Variants in TEP1 observed in about 807,000 individuals in gnomAD.
The protein encoded by TEP1 is telomerase associated protein 1.
In TEP1, 241 loss-of-function variants were observed where a neutral mutation model predicts 306.3. The ratio of observed to expected loss-of-function variants is 0.79; its 90% CI spans 0.71 to 0.88. TEP1 has a LOEUF of 0.88. Among genes scored for constraint, TEP1 ranks in the 40% least tolerant of loss-of-function variants. TEP1 has a pLI of 0.00. For synonymous variants in TEP1, 1,289 were observed against 1,305.5 expected (o/e 0.99, Z 0.27); for missense variants, 3,051 against 3,276.1 (o/e 0.93, Z 1.68).
intron 28 of TEP1, 88 bp from the exon 29 acceptor site, chr14:20,382,444 A>G: frequency 6.5e-7 from 1 of 1,547,772 alleles, no homozygotes; most frequent in Non-Finnish European, 8.7e-7. Flanking sequence ...GCAGGAGGAC[A>G]GTGTGGAGGA....
In TEP1 at chr14:20,394,672, G is replaced by A. The variant is rs200250715; in HGVS notation, c.1928+778C>T. The stretch of plus-strand genomic sequence containing the variant: ...TTTTTGTATTTTTAGTAGACAGGGG[G>A]TTTCACCATGTTGGCCAGGCTAGTC... On this transcript the variant is annotated intron_variant, in intron 12 of 54. Transcript: ENST00000262715. Among the ~76,000 whole-genome samples the A allele has an allele frequency of 9.9e-5, 15 of 152,070 alleles. No homozygotes were observed. The East Asian group carries it at 2.5e-3, about 25-fold the overall frequency.
intron 53 of TEP1, 53 bp from the exon 54 acceptor site, chr14:20,368,955 A>T: frequency 7.6e-7 from 1 of 1,319,526 alleles, no homozygotes; most frequent in Non-Finnish European, 1.1e-6. Flanking sequence ...GCCCCTCCTC[A>T]GAGAAGCATC....
chr14:20,386,859 T>C (rs984371820), intron 18 of TEP1, among the ~76,000 whole-genome samples: 38 of 152,226 alleles, frequency 2.5e-4, no homozygotes, highest in African/African-American at 8.2e-4. Context: ...ATCATTTTTA[T>C]ATACTTACTG....
Position 20,395,884 on chromosome 14 carries a change from G to T in TEP1, c.1725C>A (p.Ala575=). The change falls in exon 11 of 55, where the codon GCC becomes GCA. Residue 575 remains alanine (A), a synonymous_variant. Coordinates refer to ENST00000262715, the MANE Select transcript of TEP1 (RefSeq NM_007110.5). ...RFLNAHDAID[A]LEAQLRNQAL... ...CTTGATTTCTGAGTTGAGCCTCGAG[G>T]GCATCAATGGCATCATGGGCGTTAA... The T allele has an allele frequency of 1.2e-6, 2 of 1,614,006 alleles. No homozygotes were observed. The highest frequency in any genetic ancestry group is 1.7e-6 in the Non-Finnish European group (2 of 1,179,954).
chr14:20,369,067 G>A (rs1478447018), intron 53 of TEP1, among the ~76,000 whole-genome samples, 165 bp from the exon 54 acceptor site: 2 of 151,946 alleles, frequency 1.3e-5, no homozygotes, highest in Non-Finnish European at 2.9e-5. Flanking sequence ...GAGTGCAGTG[G>A]CGCAATCTCG....
In TEP1 at chr14:20,378,181, C is replaced by T. The variant is rs771364011; in HGVS notation, c.5564G>A (p.Gly1855Glu). ...GTCCAGCCGGCCCACAGCCACAACC[C>T]CCCCAGGCACATTGAAGGCCAAGGT... ...IRTLAFNVPGGVVAVGRLDSM... is the reference protein window; with the variant it reads ...IRTLAFNVPGEVVAVGRLDSM... Residue 1855 changes from glycine to glutamate, a missense_variant, in exon 39 of 55, where the codon GGG (glycine) becomes GAG (glutamate). By Grantham distance (98) the Gly-to-Glu change is moderately conservative (BLOSUM62 -2). Coordinates refer to ENST00000262715, the MANE Select transcript of TEP1 (RefSeq NM_007110.5). 1.9e-6 allele frequency: 3 copies of T among 1,613,910 alleles called. No homozygotes were observed. Among genetic ancestry groups the T allele is most frequent in the Admixed American group, 3.3e-5 (2 of 60,022 alleles).
rs1876671247 is a variant in TEP1 at position 20,382,553 on chromosome 14, G to A, written c.4140+70C>T. 51 of 1,586,828 alleles carry A rather than the reference G, an allele frequency of 3.2e-5. 1 individual carries two copies. In the South Asian group the frequency reaches 5.5e-4, roughly 17 times the overall value. ...CAAGACAGCAAAGGACGTGGGATAGGGATGAGACAAAGCAGCTGAAGAGAG... is the reference window on the plus strand; with the variant it reads ...CAAGACAGCAAAGGACGTGGGATAGAGATGAGACAAAGCAGCTGAAGAGAG... On this transcript the variant is annotated intron_variant, in intron 28 of 54. Coordinates refer to ENST00000262715, the MANE Select transcript of TEP1 (RefSeq NM_007110.5).
rs1269947695 is a variant in TEP1, at chr14:20,384,184, C to T, written c.3388G>A (p.Val1130Ile). The T allele has an allele frequency of 6.2e-7, 1 of 1,614,036 alleles. No individual in the cohort carries two copies. Among genetic ancestry groups the T allele is most frequent in the Non-Finnish European group, 8.5e-7 (1 of 1,180,040 alleles). The change falls in exon 24 of 55, where the codon GTC becomes ATC. Residue 1130 changes from valine (V) to isoleucine (I), a missense_variant. By Grantham distance (29) the Val-to-Ile change is conservative (BLOSUM62 3). Coordinates refer to ENST00000262715, the MANE Select transcript of TEP1 (RefSeq NM_007110.5). ...QPVSIPDDDL[V>I]QATFQQLQKP... is the part of the protein sequence containing the mutation. ...TGCAGCTGCTGGAAGGTGGCCTGGA[C>T]CAAGTCATCGTCTGGGATGGACACT...
At chr14:20,391,471 C>T in intron 13 of TEP1, 128 bp downstream of exon 13, 1 of 1,153,438 alleles carries the variant, frequency 8.7e-7, no homozygotes, top group Non-Finnish European at 1.2e-6. Context: ...TACTTGGAAG[C>T]AAATTCATAT....
chr14:20,392,343 TAGGCTATTACTACCTAGA>T (rs1322488771), intron 12 of TEP1, among the ~76,000 whole-genome samples: 1 of 152,214 alleles, frequency 6.6e-6, no homozygotes, highest in Admixed American at 6.5e-5. Context: ...GTGGAGAGAT[TAGGCTATTACTACCTAGA>T]AGTGCTGATC....
At chr14:20,392,947 G>A (rs548684174) in intron 12 of TEP1, among the ~76,000 whole-genome samples, 61 of 152,278 alleles carry the variant, frequency 4.0e-4, no homozygotes, top group Middle Eastern at 6.8e-3. Flanking sequence ...AGCCGGGCAC[G>A]GTGGCTCACG....
chr14:20,393,866 C>T (rs1211785605), intron 12 of TEP1, among the ~76,000 whole-genome samples: 1 of 151,526 alleles, frequency 6.6e-6, no homozygotes, highest in African/African-American at 2.4e-5. Context: ...GTGGTTGGAT[C>T]GCTTGAGCTC....
rs773020627 is a variant in TEP1, at chr14:20,377,628, A to T, written c.5847T>A (p.Asp1949Glu). The change falls in exon 40 of 55, where the codon GAT (aspartate) becomes GAA (glutamate). Residue 1949 changes from aspartate (D) to glutamate (E), a missense_variant. Asp to Glu is a conservative substitution (Grantham distance 45, BLOSUM62 2). Around this residue, in one of 3 missense-constraint regions of TEP1, gnomAD observed 1,540 missense variants for 1,705.9 expected, o/e 0.90. Transcript: ENST00000262715. ...GDRVAVGYRA[D>E]GIRIYKISSG... ...AAGAGATTTTGTAGATCCTAATGCCATCCGCTCGATATCCAACAGCCACCC... is the reference window on the plus strand; with the variant it reads ...AAGAGATTTTGTAGATCCTAATGCCTTCCGCTCGATATCCAACAGCCACCC... The T allele has an allele frequency of 2.5e-5, 40 of 1,614,140 alleles. No individual in the cohort carries two copies. The highest frequency in any genetic ancestry group is 3.4e-5 in the Non-Finnish European group (40 of 1,180,026).
rs752823565 is a variant in TEP1, at chr14:20,401,438, T to A, written c.1391+19A>T. The A allele has an allele frequency of 1.2e-6, 2 of 1,612,790 alleles. No homozygotes were observed. The highest frequency in any genetic ancestry group is 1.7e-6 in the Non-Finnish European group (2 of 1,179,608). On this transcript the variant is annotated intron_variant, in intron 8 of 54. Coordinates refer to ENST00000262715, the MANE Select transcript of TEP1 (RefSeq NM_007110.5). The stretch of plus-strand genomic sequence containing the variant: ...GGAATTACTTAGATGGAATGCATGC[T>A]CAGGGTGCAGCTTCTCACCTGTAAC...
Position 20,371,371 on chromosome 14 carries a change from G to A in TEP1, c.7221-57C>T, listed in dbSNP as rs58425542. On this transcript the variant is annotated intron_variant, in intron 50 of 54. Transcript: ENST00000262715. ...AGGATTTAAAGAGAGGTAAAGAGAA[G>A]AACACCTCTCTTTAAGACTCCAGAG... is the stretch of plus-strand genomic sequence containing the variant. The A allele has an allele frequency of 2.3e-3, 3,606 of 1,592,100 alleles. 82 individuals are homozygous for A. The African/African-American group carries it at 0.043, about 19-fold the overall frequency.
Position 20,386,210 on chromosome 14 carries a change from A to T in TEP1, c.2862-15T>A. 6.2e-7 allele frequency: 1 copy of T among 1,613,912 alleles called. No individual in the cohort carries two copies. Among genetic ancestry groups the T allele is most frequent in the Non-Finnish European group, 8.5e-7 (1 of 1,179,916 alleles). ...CTTCCAGTTGTCTGTAGGCATGATGATAGGGACGTGTGGGAGTCACTGGGG... is the reference window on the plus strand; with the variant it reads ...CTTCCAGTTGTCTGTAGGCATGATGTTAGGGACGTGTGGGAGTCACTGGGG... On this transcript the variant is annotated splice_polypyrimidine_tract_variant and intron_variant, in intron 19 of 54. Transcript: ENST00000262715.
In TEP1 at chr14:20,384,979, C is replaced by T. The variant is rs1349299955; in HGVS notation, c.3107+6G>A. On this transcript the variant is annotated splice_donor_region_variant and intron_variant, in intron 21 of 54. Coordinates refer to ENST00000262715, the MANE Select transcript of TEP1 (RefSeq NM_007110.5). ...GGAGCCCCAGCCTGCAGGCAACAGA[C>T]AGTACCTGAGGAAGCTGGAATCCCG... 1.9e-6 allele frequency: 3 copies of T among 1,614,212 alleles called. No homozygotes were observed. The highest frequency in any genetic ancestry group is 1.3e-5 in the African/African-American group (1 of 75,056).
rs757734167 is a variant in TEP1 at position 20,372,826 on chromosome 14, G to A, written c.6983C>T (p.Ser2328Phe). The A allele has an allele frequency of 4.3e-6, 7 of 1,614,012 alleles. No individual in the cohort carries two copies. The Admixed American group carries it at 1.0e-4, about 23-fold the overall frequency. The part of the protein sequence containing the change: ...APGHIGALIW[S>F]SAHTFFVLSA... ...GAGGACAAAAAAGGTGTGTGCCGAG[G>A]ACCAGATCAGAGCACCAATGTGGCC... Residue 2328 changes from serine (S) to phenylalanine (F), a missense_variant, in exon 49 of 55, where the codon TCC (serine) becomes TTC (phenylalanine). Coordinates refer to ENST00000262715, the MANE Select transcript of TEP1 (RefSeq NM_007110.5).
chr14:20,411,696 A>G lies in TEP1; in HGVS notation c.-25+1709T>C, dbSNP rs140039705. 4.3e-3 allele frequency among the ~76,000 whole-genome samples: 647 copies of G among 152,086 alleles called. 9 individuals are homozygous for G. Among genetic ancestry groups the G allele is most frequent in the African/African-American group, 0.015 (615 of 41,458 alleles). ...GCTTTTTCACAGAAAAAAAAAAAGT[A>G]TATACTGTTTTGTGCTCAATTTTCA... On this transcript the variant is annotated intron_variant, in intron 1 of 54. Coordinates refer to ENST00000262715, the MANE Select transcript of TEP1 (RefSeq NM_007110.5).
Sources: allele counts gnomAD v4.1 joint callset (sites outside exome capture counted in the v4.1 genomes callset), GRCh38; gene constraint gnomAD v4.1.1; regional missense constraint gnomAD v4.1.1; transcripts MANE v1.5; gene names NCBI Gene and HGNC (gene_info 2026-07-23, HGNC 2026-07-21).